The following VDAC1 variants were observed in gnomAD, a reference collection of about 807,000 sequenced individuals.
The protein encoded by VDAC1 is non-selective voltage-gated ion channel VDAC1.
VDAC1 carries 10 observed loss-of-function variants against 34.7 expected under a neutral mutation model. The ratio of observed to expected loss-of-function variants is 0.29; its 90% CI spans 0.18 to 0.49. The LOEUF (loss-of-function observed/expected upper bound fraction) is 0.49, where lower values mean the gene tolerates loss of function less well. Among genes scored for constraint, VDAC1 ranks in the 20% least tolerant of loss-of-function variants. The pLI is 0.99. For missense variants in VDAC1, 230 were observed against 347.9 expected, an observed-to-expected ratio of 0.66 and a Z score of 2.69; for synonymous variants, 130 against 136.0, an observed-to-expected ratio of 0.96 and a Z score of 0.30.
At chr5:134,101,323 C>G in the VDAC1 span, among the ~76,000 whole-genome samples, 3 of 152,190 alleles carry the variant, frequency 2.0e-5, no homozygotes, top group Admixed American at 6.5e-5. Flanking sequence ...GGCGCGGTGG[C>G]TCACGCCTGT....
chr5:134,039,330 T>A, the VDAC1 span, among the ~76,000 whole-genome samples: 1 of 151,784 alleles, frequency 6.6e-6, no homozygotes, highest in African/African-American at 2.4e-5. Context: ...TGGTTTTTTA[T>A]TTTTTTTATT....
At chr5:134,062,445 G>C in the VDAC1 span, among the ~76,000 whole-genome samples, 1 of 151,648 alleles carries the variant, frequency 6.6e-6, no homozygotes, top group South Asian at 2.1e-4. Flanking sequence ...CCTGGTGTGT[G>C]TATCTATATA....
chr5:134,051,860 A>G, the VDAC1 span, among the ~76,000 whole-genome samples: 3 of 151,782 alleles, frequency 2.0e-5, no homozygotes, highest in African/African-American at 7.3e-5. Flanking sequence ...CATCATGCCC[A>G]GCTAATTTTT....
the VDAC1 span, among the ~76,000 whole-genome samples, chr5:134,095,268 T>A: frequency 2.0e-5 from 3 of 151,970 alleles, no homozygotes; most frequent in Non-Finnish European, 4.4e-5. Flanking sequence ...GCTCATCTGA[T>A]GCCAGGAGTT....
rs74538839 is a variant in VDAC1, at chr5:133,986,328, T to C, written c.323+4527A>G. 7.2e-5 allele frequency among the ~76,000 whole-genome samples: 11 copies of C among 152,218 alleles called. No individual in the cohort carries two copies. The East Asian group carries it at 2.1e-3, about 29-fold the overall frequency. On this transcript the variant is annotated intron_variant, in intron 5 of 8. Transcript: ENST00000265333. Reference sequence around the variant, plus strand: ...GGAAAGCCAGCTTTCGTTTCTAATCTCCATGATGCACCACCAGAACTTTCC... The same window carrying C: ...GGAAAGCCAGCTTTCGTTTCTAATCCCCATGATGCACCACCAGAACTTTCC...
chr5:134,020,322 G>A, the VDAC1 span, among the ~76,000 whole-genome samples: 2 of 151,790 alleles, frequency 1.3e-5, no homozygotes, highest in East Asian at 1.9e-4. Flanking sequence ...TACAAAACAG[G>A]TTCTTCCACG....
chr5:134,107,788 TACAA>T, the VDAC1 span, among the ~76,000 whole-genome samples: 6 of 152,344 alleles, frequency 3.9e-5, no homozygotes, highest in Admixed American at 1.3e-4. Flanking sequence ...CTAAGTACTC[TACAA>T]GCAGGAACTC....
chr5:134,010,665 A>G, the VDAC1 span, among the ~76,000 whole-genome samples: 1 of 152,166 alleles, frequency 6.6e-6, no homozygotes, highest in Non-Finnish European at 1.5e-5. Context: ...AATGGAAGGC[A>G]ATCTATGTTC....
At chr5:134,025,654 A>G in the VDAC1 span, among the ~76,000 whole-genome samples, 3 of 152,004 alleles carry the variant, frequency 2.0e-5, no homozygotes, top group African/African-American at 7.2e-5. Flanking sequence ...CAGTGGCGCA[A>G]TCTCTGCTCA....
At chr5:134,064,963 G>A in the VDAC1 span, among the ~76,000 whole-genome samples, 9 of 151,984 alleles carry the variant, frequency 5.9e-5, no homozygotes, top group African/African-American at 2.2e-4. Context: ...CAAGCAATCT[G>A]CCTGACTCAG....
chr5:134,056,314 A>ATAAATCAG, the VDAC1 span, among the ~76,000 whole-genome samples: 1 of 151,692 alleles, frequency 6.6e-6, no homozygotes, highest in South Asian at 2.1e-4. Context: ...TGATTTTTGC[A>ATAAATCAG]TAAATCAGTA....
the VDAC1 span, among the ~76,000 whole-genome samples, chr5:134,037,990 A>G: frequency 2.0e-5 from 3 of 152,268 alleles, no homozygotes; most frequent in Non-Finnish European, 4.4e-5. Flanking sequence ...ATTCCAAAAT[A>G]CAAGAATTTG....
the VDAC1 span, among the ~76,000 whole-genome samples, chr5:134,022,354 C>T: frequency 6.6e-6 from 1 of 152,118 alleles, no homozygotes; most frequent in South Asian, 2.1e-4. Flanking sequence ...TTATAATAAA[C>T]AGAAATTTAT....
the VDAC1 span, among the ~76,000 whole-genome samples, chr5:134,070,178 G>C: frequency 6.6e-6 from 1 of 152,132 alleles, no homozygotes; most frequent in Non-Finnish European, 1.5e-5. Context: ...GCCTCGCTCT[G>C]TTGCCCAGGC....
the VDAC1 span, among the ~76,000 whole-genome samples, chr5:134,032,736 A>T: frequency 1.3e-5 from 2 of 152,222 alleles, no homozygotes; most frequent in Non-Finnish European, 2.9e-5. Flanking sequence ...AAAGAAGAGG[A>T]TATAAAGAAA....
At chr5:133,991,467 A>C (rs1753099990) in intron 3 of VDAC1, among the ~76,000 whole-genome samples, 1 of 152,254 alleles carries the variant, frequency 6.6e-6, no homozygotes, top group Non-Finnish European at 1.5e-5. Context: ...CACTGAGCTA[A>C]AGCTGACACA....
chr5:134,095,672 G>A, the VDAC1 span, among the ~76,000 whole-genome samples: 1 of 151,948 alleles, frequency 6.6e-6, no homozygotes, highest in Admixed American at 6.6e-5. Flanking sequence ...AATGATCCTA[G>A]TGAGCTGGGA....
chr5:134,056,836 C>G, the VDAC1 span, among the ~76,000 whole-genome samples: 10 of 152,122 alleles, frequency 6.6e-5, no homozygotes, highest in African/African-American at 2.2e-4. Context: ...CAGGCATGCA[C>G]CACCACGCCC....
At chr5:134,041,260 T>C in the VDAC1 span, among the ~76,000 whole-genome samples, 6 of 152,190 alleles carry the variant, frequency 3.9e-5, no homozygotes, top group African/African-American at 1.4e-4. Flanking sequence ...CTTCTTTCTT[T>C]GGGGGATGTC....
Sources: gnomAD v4.1 joint callset for allele counts (sites outside exome capture counted in the v4.1 genomes callset) on GRCh38, gnomAD v4.1.1 for gene constraint, MANE v1.5 for transcripts, NCBI Gene and HGNC (gene_info 2026-07-23, HGNC 2026-07-21) for gene names.